The following MAGI2 variants were observed in gnomAD, a reference collection of about 807,000 sequenced individuals.
The protein encoded by MAGI2 is membrane associated guanylate kinase, WW and PDZ domain containing 2, also known as membrane-associated guanylate kinase, WW and PDZ domain-containing protein 2.
MAGI2 carries 35 observed loss-of-function variants against 133.3 expected under a neutral mutation model. That is an observed-to-expected ratio of 0.26 (90% CI 0.20 to 0.35). The LOEUF (loss-of-function observed/expected upper bound fraction) is 0.35, where lower values mean the gene tolerates loss of function less well. Among genes scored for constraint, MAGI2 ranks in the 10% least tolerant of loss-of-function variants. The pLI is 1.00. For synonymous variants in MAGI2, 729 were observed against 710.6 expected (o/e 1.03, Z -0.41); for missense variants, 1,636 against 1,863.4 (o/e 0.88, Z 2.25).
At chr7:78,268,980 C>A (rs926872586) in intron 9 of MAGI2, among the ~76,000 whole-genome samples, 3 of 152,138 alleles carry the variant, frequency 2.0e-5, no homozygotes, top group African/African-American at 7.2e-5. Flanking sequence ...GTTCCCCTCC[C>A]TATGTCCATG....
chr7:78,679,167 G>A (rs1188250027), intron 2 of MAGI2, among the ~76,000 whole-genome samples: 2 of 152,054 alleles, frequency 1.3e-5, no homozygotes, highest in African/African-American at 4.8e-5. Context: ...CACCTCCTTT[G>A]TGCACCCTTT....
intron 21 of MAGI2, among the ~76,000 whole-genome samples, chr7:78,025,319 A>AG (rs1563017293): frequency 6.6e-6 from 1 of 152,034 alleles, no homozygotes; most frequent in African/African-American, 2.4e-5. Context: ...TAGATACTAC[A>AG]CCCCCTCAGC....
At chr7:78,864,996 C>A (rs1189104059) in intron 2 of MAGI2, among the ~76,000 whole-genome samples, 1 of 152,124 alleles carries the variant, frequency 6.6e-6, no homozygotes, top group Non-Finnish European at 1.5e-5. Flanking sequence ...TTTGAATTGC[C>A]TCTAAACCGT....
intron 2 of MAGI2, among the ~76,000 whole-genome samples, chr7:78,757,808 T>C (rs1340582164): frequency 6.6e-6 from 1 of 152,170 alleles, no homozygotes; most frequent in Admixed American, 6.5e-5. Flanking sequence ...TTCTTTTCTC[T>C]CCACACTCAG....
intron 1 of MAGI2, among the ~76,000 whole-genome samples, chr7:79,193,958 T>G (rs1303746337): frequency 3.9e-5 from 6 of 151,960 alleles, no homozygotes; most frequent in South Asian, 2.1e-4. Context: ...GAAAATCTTT[T>G]TTTGTTTGTT....
At chr7:78,135,900 A>C (rs541592061) in intron 16 of MAGI2, among the ~76,000 whole-genome samples, 1 of 152,176 alleles carries the variant, frequency 6.6e-6, no homozygotes, top group African/African-American at 2.4e-5. Context: ...TACATAATGC[A>C]TTTATTCAAA....
intron 2 of MAGI2, among the ~76,000 whole-genome samples, chr7:78,988,184 A>C (rs932876476): frequency 1.3e-5 from 2 of 152,100 alleles, no homozygotes; most frequent in African/African-American, 4.8e-5. Flanking sequence ...ACTCCCTAAC[A>C]GCCTTATTTA....
At chr7:79,092,012 T>A (rs1390628987) in intron 1 of MAGI2, among the ~76,000 whole-genome samples, 3 of 152,084 alleles carry the variant, frequency 2.0e-5, no homozygotes, top group Admixed American at 2.0e-4. Flanking sequence ...TAGCCTTTGA[T>A]ACATGCTATA....
chr7:79,358,783 G>A (rs1842189163), intron 1 of MAGI2, among the ~76,000 whole-genome samples: 1 of 152,104 alleles, frequency 6.6e-6, no homozygotes, highest in Admixed American at 6.6e-5. Flanking sequence ...AAACTTCAGT[G>A]GCACTAACAA....
At chr7:78,830,030 T>A (rs530041755) in intron 2 of MAGI2, among the ~76,000 whole-genome samples, 53 of 152,182 alleles carry the variant, frequency 3.5e-4, no homozygotes, top group Non-Finnish European at 6.6e-4. Context: ...GTAAAATATT[T>A]CAAAATTTGT....
intron 2 of MAGI2, among the ~76,000 whole-genome samples, chr7:78,795,904 A>G (rs1787567016): frequency 6.6e-6 from 1 of 152,188 alleles, no homozygotes; most frequent in Non-Finnish European, 1.5e-5. Flanking sequence ...GACTGTTTAA[A>G]TAAATGGTGC....
At chr7:78,937,307 T>C (rs1206221874) in intron 2 of MAGI2, among the ~76,000 whole-genome samples, 1 of 152,026 alleles carries the variant, frequency 6.6e-6, no homozygotes, top group Non-Finnish European at 1.5e-5. Context: ...AACAATTGAA[T>C]AAAAACATAA....
At chr7:78,663,059 G>A (rs1813148778) in intron 2 of MAGI2, among the ~76,000 whole-genome samples, 1 of 152,034 alleles carries the variant, frequency 6.6e-6, no homozygotes, top group Non-Finnish European at 1.5e-5. Context: ...AAGCAACACT[G>A]CAAATTTGAA....
chr7:79,170,253 C>T (rs1167437915), intron 1 of MAGI2, among the ~76,000 whole-genome samples: 1 of 148,432 alleles, frequency 6.7e-6, no homozygotes, highest in African/African-American at 2.5e-5. Context: ...GGCAATTTTC[C>T]CAGGCACCTT....
chr7:79,167,826 A>C (rs1291102221), intron 1 of MAGI2, among the ~76,000 whole-genome samples: 1 of 152,136 alleles, frequency 6.6e-6, no homozygotes, highest in Non-Finnish European at 1.5e-5. Flanking sequence ...CTGGCCATAA[A>C]CAAAATCTCT....
intron 3 of MAGI2, among the ~76,000 whole-genome samples, chr7:78,605,871 G>A (rs1387329817): frequency 6.6e-6 from 1 of 152,136 alleles, no homozygotes; most frequent in Non-Finnish European, 1.5e-5. Flanking sequence ...GGAGGTACTC[G>A]AGCAGAAAAG....
intron 2 of MAGI2, among the ~76,000 whole-genome samples, chr7:78,975,185 A>G (rs1804138259): frequency 6.6e-6 from 1 of 151,770 alleles, no homozygotes; most frequent in African/African-American, 2.4e-5. Flanking sequence ...GTTTAACCTA[A>G]TTGACATTTA....
At chr7:79,217,184 T>C (rs1435427042) in intron 1 of MAGI2, among the ~76,000 whole-genome samples, 1 of 152,024 alleles carries the variant, frequency 6.6e-6, no homozygotes, top group Non-Finnish European at 1.5e-5. Context: ...AACTCAGAAT[T>C]ACTCTGATTT....
In MAGI2 at chr7:79,024,280, A is replaced by G. The variant is rs573174979; in HGVS notation, c.302-17074T>C. Among the ~76,000 whole-genome samples, 15 of 152,290 alleles carry G rather than the reference A, an allele frequency of 9.8e-5. No individual in the cohort carries two copies. In the East Asian group the frequency reaches 2.5e-3, roughly 25 times the overall value. ...GGTGCTGGGTTAACCGACTTGCCAT[A>G]TGAAGAAGATTGATACCGGACCCCT... On this transcript the variant is annotated intron_variant, in intron 1 of 21. Coordinates refer to ENST00000354212, the MANE Select transcript of MAGI2 (RefSeq NM_012301.4).
Sources: gnomAD v4.1 joint callset for allele counts (sites outside exome capture counted in the v4.1 genomes callset) on GRCh38, gnomAD v4.1.1 for gene constraint, MANE v1.5 for transcripts, NCBI Gene and HGNC (gene_info 2026-07-23, HGNC 2026-07-21) for gene names.